Variants in NCOA6 observed in about 807,000 individuals in gnomAD.
NCOA6 encodes the protein NRC RAP250.
A neutral mutation model predicts 171.4 loss-of-function variants in NCOA6; 49 were observed. That is an observed-to-expected ratio of 0.29 (90% CI 0.23 to 0.36). NCOA6 has a LOEUF of 0.36. Among genes scored for constraint, NCOA6 ranks in the 10% least tolerant of loss-of-function variants. The pLI is 1.00. For missense variants in NCOA6, 2,248 were observed against 2,554.5 expected, an observed-to-expected ratio of 0.88 and a Z score of 2.59; for synonymous variants, 910 against 927.5, an observed-to-expected ratio of 0.98 and a Z score of 0.34.
intron 1 of NCOA6, among the ~76,000 whole-genome samples, chr20:34,801,233 A>G (rs1262409079): frequency 2.0e-5 from 3 of 152,306 alleles, no homozygotes; most frequent in African/African-American, 7.2e-5. Flanking sequence ...GTTTATGGCT[A>G]TAGGCATTTA....
intron 1 of NCOA6, among the ~76,000 whole-genome samples, chr20:34,816,062 C>T (rs2146696952): frequency 6.6e-6 from 1 of 152,282 alleles, no homozygotes; most frequent in South Asian, 2.1e-4. Flanking sequence ...CTCCACAACT[C>T]CTCAACAAAC....
chr20:34,757,548 T>C lies in NCOA6; in HGVS notation c.1200A>G (p.Thr400=). 6.2e-7 allele frequency: 1 copy of C among 1,613,938 alleles called. No individual in the cohort carries two copies. The highest frequency in any genetic ancestry group is 8.5e-7 in the Non-Finnish European group (1 of 1,179,952). Residue 400 remains threonine, a synonymous_variant, in exon 7 of 15, where the codon ACA becomes ACG. Coordinates refer to ENST00000359003, the MANE Select transcript of NCOA6 (RefSeq NM_014071.5). ...CCTGCAAACTCTTCATCTGAGGAGC[T>C]GTGAACTGGCCTGGGTTGCTCATCT... The part of the protein sequence containing the change: ...FPQMSNPGQF[T]APQMKSLQGG...
At position 34,754,759 on chromosome 20, in the gene NCOA6, G is replaced by A. The variant is rs138598846; in HGVS notation, c.1638C>T (p.Ala546=). Residue 546 remains alanine (A), a synonymous_variant, in exon 8 of 15, where the codon GCC becomes GCT. Coordinates refer to ENST00000359003, the MANE Select transcript of NCOA6 (RefSeq NM_014071.5). ...TTATTPGNSG[A]PQLQANQNVQ... ...CATTTTGATTTGCTTGCAGCTGAGG[G>A]GCTCCTGAATTCCCAGGGGTGGTTG... 68 of 1,614,158 alleles carry A rather than the reference G, an allele frequency of 4.2e-5. No individual in the cohort carries two copies. The African/African-American group carries it at 7.7e-4, about 18-fold the overall frequency.
chr20:34,731,127 C>T (rs1352695567), intron 13 of NCOA6, among the ~76,000 whole-genome samples: 1 of 152,228 alleles, frequency 6.6e-6, no homozygotes, highest in Admixed American at 6.5e-5. Context: ...TTAAGTGACT[C>T]TCCTGCCTCA....
chr20:34,799,644 G>A (rs2078191641), intron 1 of NCOA6, among the ~76,000 whole-genome samples: 1 of 152,088 alleles, frequency 6.6e-6, no homozygotes, highest in Admixed American at 6.6e-5. Flanking sequence ...CAATACATCT[G>A]GCAGCAGACG....
At chr20:34,760,544 G>A (rs1258632453) in intron 5 of NCOA6, among the ~76,000 whole-genome samples, 1 of 152,144 alleles carries the variant, frequency 6.6e-6, no homozygotes, top group East Asian at 1.9e-4. Flanking sequence ...CTTTTTCTAT[G>A]CTCTGGAAGA....
At chr20:34,775,956 A>G (rs2077307311) in intron 4 of NCOA6, among the ~76,000 whole-genome samples, 1 of 152,212 alleles carries the variant, frequency 6.6e-6, no homozygotes, top group South Asian at 2.1e-4. Context: ...AAATAACAAC[A>G]ATAACAAAGA....
rs753268215 is a variant in NCOA6 at position 34,768,450 on chromosome 20, G to A, written c.514+14C>T. 73 of 1,613,272 alleles carry A rather than the reference G, an allele frequency of 4.5e-5. No individual in the cohort carries two copies. The highest frequency in any genetic ancestry group is 5.3e-5 in the Non-Finnish European group (62 of 1,179,780). On this transcript the variant is annotated intron_variant, in intron 5 of 14. Transcript: ENST00000359003. ...AACTAGTAAAATGTCATACAATTGA[G>A]TGGGAGGTCTTACCTGGACCACTTG...
intron 1 of NCOA6, among the ~76,000 whole-genome samples, chr20:34,806,242 C>T (rs886835536): frequency 6.6e-6 from 1 of 152,128 alleles, no homozygotes; most frequent in Non-Finnish European, 1.5e-5. Context: ...AGATCAAGTA[C>T]CCAATTTTTA....
In NCOA6 at chr20:34,757,392, C is replaced by A. The variant is rs1410885167; in HGVS notation, c.1356G>T (p.Gln452His). 3 of 1,614,020 alleles carry A rather than the reference C, an allele frequency of 1.9e-6. No homozygotes were observed. The African/African-American group carries it at 4.0e-5, about 22-fold the overall frequency. ...SSPTVNQTQQ[Q>H]MGPRPPQNNP... The stretch of plus-strand genomic sequence containing the variant: ...TATTTTGAGGTGGCCTTGGTCCCAT[C>A]TGCTGCTGAGTTTGGTTAACCGTTG... The change falls in exon 7 of 15, where the codon CAG becomes CAT. Residue 452 changes from glutamine to histidine, a missense_variant. By Grantham distance (24) the Gln-to-His change is conservative. Transcript: ENST00000359003.
intron 14 of NCOA6, among the ~76,000 whole-genome samples, 191 bp downstream of exon 14, chr20:34,727,066 CTT>C (rs760734003): frequency 3.3e-5 from 5 of 152,192 alleles, no homozygotes; most frequent in African/African-American, 4.8e-5. Flanking sequence ...GCTTGTTGCT[CTT>C]GAGTACACAC....
At chr20:34,751,071 A>G (rs1359779838) in intron 8 of NCOA6, among the ~76,000 whole-genome samples, 1 of 151,622 alleles carries the variant, frequency 6.6e-6, no homozygotes, top group Non-Finnish European at 1.5e-5. Flanking sequence ...TAACTCTGCT[A>G]TAAGAATGTG....
chr20:34,806,931 A>C (rs992673390), intron 1 of NCOA6, among the ~76,000 whole-genome samples: 2 of 152,138 alleles, frequency 1.3e-5, no homozygotes, highest in Non-Finnish European at 2.9e-5. Flanking sequence ...GTTTTTTCTA[A>C]AGAAGTCTGT....
chr20:34,724,823 C>T, intron 14 of NCOA6, among the ~76,000 whole-genome samples: 1 of 149,948 alleles, frequency 6.7e-6, no homozygotes. Context: ...GAGTCTCACT[C>T]TGTTGCCCAG....
chr20:34,750,090 T>C lies in NCOA6; in HGVS notation c.2105A>G (p.Gln702Arg), dbSNP rs561927906. ...GTTCTGTTGGAGCAAAACCTGCCCC[T>C]GAGGCCCCATCATCTGGTTATGTGG... is the stretch of plus-strand genomic sequence containing the variant. Reference protein sequence around the residue: ...MAPHNQMMGPQGQVLLQQNPM... With the variant: ...MAPHNQMMGPRGQVLLQQNPM... Residue 702 changes from glutamine to arginine, a missense_variant, in exon 9 of 15, where the codon CAG (glutamine) becomes CGG (arginine). By Grantham distance (43) the Gln-to-Arg change is conservative. Transcript: ENST00000359003. 14 of 1,614,218 alleles carry C rather than the reference T, an allele frequency of 8.7e-6. No individual in the cohort carries two copies. In the African/African-American group the frequency reaches 1.6e-4, roughly 18 times the overall value.
At chr20:34,758,155 C>A in intron 6 of NCOA6, 51 bp from the exon 7 acceptor site, 1 of 1,545,284 alleles carries the variant, frequency 6.5e-7, no homozygotes, top group South Asian at 1.3e-5. Flanking sequence ...CAATCTAGAT[C>A]TTAGAGAAGT....
At chr20:34,748,973 C>T (rs931135206) in intron 9 of NCOA6, among the ~76,000 whole-genome samples, 6 of 152,108 alleles carry the variant, frequency 3.9e-5, no homozygotes, top group South Asian at 2.1e-4. Context: ...CAAAACCCCC[C>T]GACACTGTAA....
At chr20:34,789,779 A>G (rs755500127) in intron 2 of NCOA6, among the ~76,000 whole-genome samples, 1 of 152,144 alleles carries the variant, frequency 6.6e-6, no homozygotes, top group Non-Finnish European at 1.5e-5. Flanking sequence ...CAACAGAGTG[A>G]GACTCTGTCT....
intron 10 of NCOA6, among the ~76,000 whole-genome samples, chr20:34,744,127 T>C (rs1022432853): frequency 1.3e-5 from 2 of 152,344 alleles, no homozygotes; most frequent in South Asian, 2.1e-4. Flanking sequence ...CTTACTTTCT[T>C]ACATGCAAAT....
Sources: allele counts gnomAD v4.1 joint callset (sites outside exome capture counted in the v4.1 genomes callset), GRCh38; gene constraint gnomAD v4.1.1; transcripts MANE v1.5; gene names NCBI Gene and HGNC (gene_info 2026-07-23, HGNC 2026-07-21).